Variants in C13orf46 observed in about 807,000 individuals in gnomAD.
C13orf46 encodes uncharacterized protein C13orf46.
intron 6 of C13orf46, among the ~76,000 whole-genome samples, chr13:113,959,672 G>T (rs1319795820): frequency 6.6e-6 from 1 of 152,184 alleles, no homozygotes; most frequent in Admixed American, 6.5e-5. Flanking sequence ...CCACTCTTTT[G>T]CTTATTTTAA....
the C13orf46 span, among the ~76,000 whole-genome samples, chr13:113,933,754 A>G: frequency 1.3e-5 from 2 of 152,314 alleles, no homozygotes; most frequent in East Asian, 3.9e-4. Flanking sequence ...TGAGCTAATT[A>G]TAGCTTCACA....
chr13:113,950,799 CGCT>C, downstream of C13orf46, among the ~76,000 whole-genome samples: 1 of 152,206 alleles, frequency 6.6e-6, no homozygotes, highest in South Asian at 2.1e-4. Flanking sequence ...GACTCCCTCC[CGCT>C]CCAGGGCACG....
intron 6 of C13orf46, among the ~76,000 whole-genome samples, chr13:113,957,602 C>T (rs2052549233): frequency 1.4e-5 from 2 of 141,184 alleles, no homozygotes; most frequent in Non-Finnish European, 1.5e-5. Flanking sequence ...TCTGCCTGCA[C>T]CCCCTTTCAT....
chr13:113,926,990 C>T, the C13orf46 span: 1 of 152,262 alleles, frequency 6.6e-6, no homozygotes, highest in Admixed American at 6.5e-5. Context: ...GCTGGGAGGT[C>T]CCACTTTGTA....
At chr13:113,932,702 AG>A in the C13orf46 span, among the ~76,000 whole-genome samples, 1 of 152,204 alleles carries the variant, frequency 6.6e-6, no homozygotes, top group Non-Finnish European at 1.5e-5. Context: ...AAAGGGCAAA[AG>A]TTTTAAATTA....
chr13:113,946,208 T>G, the C13orf46 span, among the ~76,000 whole-genome samples: 4 of 152,212 alleles, frequency 2.6e-5, no homozygotes, highest in African/African-American at 9.6e-5. Context: ...GACCCTCACC[T>G]AGCACTGTAC....
chr13:113,968,299 C>T (rs2052669636), intron 4 of C13orf46, among the ~76,000 whole-genome samples, 168 bp downstream of exon 4: 2 of 152,166 alleles, frequency 1.3e-5, no homozygotes, highest in African/African-American at 4.8e-5. Flanking sequence ...CAGAGCTTGG[C>T]CCCAAGCCTC....
chr13:113,931,367 G>C, the C13orf46 span, among the ~76,000 whole-genome samples: 1 of 152,222 alleles, frequency 6.6e-6, no homozygotes, highest in Non-Finnish European at 1.5e-5. Context: ...AACTCAGTGA[G>C]AGCACCCCTT....
chr13:113,962,001 C>T (rs890436002), intron 6 of C13orf46, among the ~76,000 whole-genome samples: 8 of 152,216 alleles, frequency 5.3e-5, no homozygotes, highest in Non-Finnish European at 1.2e-4. Context: ...GTGTGCAGTG[C>T]TCTGCGTGAT....
intron 6 of C13orf46, among the ~76,000 whole-genome samples, chr13:113,963,801 T>G (rs1345476968): frequency 1.3e-5 from 2 of 152,196 alleles, no homozygotes; most frequent in African/African-American, 4.8e-5. Context: ...TGTTGTGCTA[T>G]TCCACATAAT....
chr13:113,929,177 C>G, the C13orf46 span, among the ~76,000 whole-genome samples: 3 of 152,218 alleles, frequency 2.0e-5, no homozygotes, highest in Non-Finnish European at 2.9e-5. Context: ...GGGGAGCAAC[C>G]CTGTTTCTCA....
chr13:113,951,449 C>T (rs2052488269), downstream of C13orf46, among the ~76,000 whole-genome samples: 1 of 152,184 alleles, frequency 6.6e-6, no homozygotes, highest in African/African-American at 2.4e-5. Flanking sequence ...CTCTGCCCGG[C>T]CACACAGTGC....
chr13:113,965,364 C>T (rs1425143770), intron 5 of C13orf46, among the ~76,000 whole-genome samples: 4 of 152,274 alleles, frequency 2.6e-5, no homozygotes, highest in South Asian at 2.1e-4. Context: ...AATAACTGAC[C>T]CCCAGGAAGG....
chr13:113,929,630 G>A, the C13orf46 span, among the ~76,000 whole-genome samples: 1 of 152,222 alleles, frequency 6.6e-6, no homozygotes, highest in African/African-American at 2.4e-5. Flanking sequence ...AGTGACCATG[G>A]GTGAAGTCGC....
downstream of C13orf46, among the ~76,000 whole-genome samples, chr13:113,952,650 A>T (rs1281571644): frequency 6.6e-6 from 1 of 152,222 alleles, no homozygotes; most frequent in East Asian, 1.9e-4. Flanking sequence ...CCCAGGCGGC[A>T]TCTGTGCCCC....
the C13orf46 span, among the ~76,000 whole-genome samples, chr13:113,929,503 G>A: frequency 6.6e-6 from 1 of 152,244 alleles, no homozygotes; most frequent in South Asian, 2.1e-4. Context: ...GGCCTCGACT[G>A]TCCGAGTGTG....
the C13orf46 span, chr13:113,926,799 G>A: frequency 2.0e-5 from 3 of 152,202 alleles, no homozygotes; most frequent in East Asian, 1.9e-4. Flanking sequence ...GCCCATGAGC[G>A]AGCCTACCTA....
intron 6 of C13orf46, among the ~76,000 whole-genome samples, chr13:113,962,128 G>C (rs1566418310): frequency 6.6e-6 from 1 of 152,238 alleles, no homozygotes; most frequent in South Asian, 2.1e-4. Flanking sequence ...TGGAGGCTGG[G>C]TGCGGTGGCT....
At chr13:113,949,033 C>T (rs956950404), downstream of C13orf46, among the ~76,000 whole-genome samples, 2 of 152,192 alleles carry the variant, frequency 1.3e-5, no homozygotes, top group African/African-American at 4.8e-5. Context: ...TTCCAGCCCC[C>T]CTCACCGCCC....
Sources: gnomAD v4.1 joint callset for allele counts (sites outside exome capture counted in the v4.1 genomes callset) on GRCh38, gnomAD v4.1.1 for gene constraint, MANE v1.5 for transcripts, NCBI Gene and HGNC (gene_info 2026-07-23, HGNC 2026-07-21) for gene names.